The following SCAMP4 variants were observed in gnomAD, a reference collection of about 807,000 sequenced individuals.
The protein encoded by SCAMP4 is secretory carrier membrane protein 4, also known as secretory carrier-associated membrane protein 4.
A neutral mutation model predicts 32.1 loss-of-function variants in SCAMP4; 19 were observed. That is an observed-to-expected ratio of 0.59 (90% confidence interval 0.41 to 0.87). The LOEUF is 0.87. Among genes scored for constraint, SCAMP4 ranks in the 40% least tolerant of loss-of-function variants. SCAMP4 has a pLI of 0.00. For synonymous variants in SCAMP4, 152 were observed against 132.7 expected (o/e 1.15, Z -1.00); for missense variants, 302 against 309.0 (o/e 0.98, Z 0.17).
intron 1 of SCAMP4, chr19:1,911,786 TA>T (rs1239753936): frequency 7.9e-6 from 3 of 381,952 alleles, no homozygotes; most frequent in African/African-American, 4.2e-5. Context: ...GTCTCAGAAG[TA>T]AAAAAATAAA....
At position 1,917,717 on chromosome 19, in the gene SCAMP4, C is replaced by T; in HGVS notation, c.31C>T (p.Leu11=). 6.2e-7 allele frequency: 1 copy of T among 1,614,068 alleles called. No individual in the cohort carries two copies. The highest frequency in any genetic ancestry group is 8.5e-7 in the Non-Finnish European group (1 of 1,179,896). MSEKENNFPP[L]PKFIPVKPCF... ...AGAAAAGGAGAACAACTTCCCGCCA[C>T]TGCCCAAGTTCATCCCTGTGAAGCC... Residue 11 remains leucine, a synonymous_variant, in exon 3 of 7, where the codon CTG becomes TTG. Coordinates refer to ENST00000316097, the MANE Select transcript of SCAMP4 (RefSeq NM_079834.4).
intron 1 of SCAMP4, among the ~76,000 whole-genome samples, chr19:1,907,738 C>T (rs2013209610): frequency 6.6e-6 from 1 of 152,178 alleles, no homozygotes; most frequent in African/African-American, 2.4e-5. Context: ...GGCTGCCTGC[C>T]CTCCTGAGGG....
At chr19:1,917,664 G>C (rs1299853299) in intron 2 of SCAMP4, 30 bp from the exon 3 acceptor site, 2 of 1,613,362 alleles carry the variant, frequency 1.2e-6, no homozygotes, top group Non-Finnish European at 1.7e-6. Context: ...ACAAAGTCTG[G>C]TTCTGTCCGT....
intron 2 of SCAMP4, among the ~76,000 whole-genome samples, chr19:1,915,828 C>T (rs1217969199): frequency 6.6e-6 from 1 of 151,986 alleles, no homozygotes; most frequent in African/African-American, 2.4e-5. Flanking sequence ...TGCCTGTAGT[C>T]CCAGCTACTC....
intron 1 of SCAMP4, chr19:1,906,418 G>C (rs2013117192): frequency 6.6e-6 from 1 of 152,012 alleles, no homozygotes; most frequent in South Asian, 2.1e-4. Flanking sequence ...ACATGTCTGT[G>C]GTCCCAGCTA....
intron 1 of SCAMP4, among the ~76,000 whole-genome samples, chr19:1,910,219 A>G (rs1350506711): frequency 6.6e-6 from 1 of 152,186 alleles, no homozygotes; most frequent in Non-Finnish European, 1.5e-5. Context: ...CTGTGTTGTC[A>G]TCTGGAGGCT....
In SCAMP4 at chr19:1,913,104, C is replaced by T. The variant is rs756961086; in HGVS notation, c.-41-1875C>T. On this transcript the variant is annotated intron_variant, in intron 1 of 6. Coordinates refer to ENST00000316097, the MANE Select transcript of SCAMP4 (RefSeq NM_079834.4). ...CCTCAACCACCGCTTCCAGGTGTTC[C>T]GCGGGGTGCTGGAGGAGCAGTGCCG... 70 of 1,594,534 alleles carry T rather than the reference C, an allele frequency of 4.4e-5. No homozygotes were observed. The highest frequency in any genetic ancestry group is 1.7e-4 in the Middle Eastern group (1 of 5,998).
intron 1 of SCAMP4, among the ~76,000 whole-genome samples, chr19:1,913,999 G>T (rs898013214): frequency 2.4e-4 from 36 of 152,336 alleles, no homozygotes; most frequent in African/African-American, 8.2e-4. Context: ...CAGGCCTGCA[G>T]TGGGGGAGTC....
At chr19:1,912,763 A>G in intron 1 of SCAMP4, 2 of 1,557,338 alleles carry the variant, frequency 1.3e-6, no homozygotes, top group East Asian at 2.4e-5. Flanking sequence ...CCCCTCCTGC[A>G]CGCCGTCATG....
intron 5 of SCAMP4, 176 bp downstream of exon 5, chr19:1,919,166 C>G (rs369452028): frequency 1.3e-5 from 19 of 1,431,230 alleles, no homozygotes; most frequent in Non-Finnish European, 1.7e-5. Flanking sequence ...CGCCCGCGTC[C>G]TCGCCAGCAC....
chr19:1,921,396 G>A lies in SCAMP4; in HGVS notation c.396-1674G>A, dbSNP rs2013915626. The stretch of plus-strand genomic sequence containing the variant: ...ACCCCCAGCGGGGCCTAGCTGTGTA[G>A]ATGGTGAGGGTGGCCACATGGCGGC... On this transcript the variant is annotated intron_variant, in intron 5 of 6. Coordinates refer to ENST00000316097, the MANE Select transcript of SCAMP4 (RefSeq NM_079834.4). The A allele has an allele frequency of 4.1e-6, 4 of 985,324 alleles. No individual in the cohort carries two copies. In the Admixed American group the frequency reaches 1.8e-4, roughly 45 times the overall value. The allele number at this position is 985,324 out of a possible 1,614,324, so 61.0% of individuals were successfully genotyped here.
intron 1 of SCAMP4, among the ~76,000 whole-genome samples, chr19:1,909,531 A>G (rs1270566007): frequency 6.6e-6 from 1 of 151,312 alleles, no homozygotes; most frequent in African/African-American, 2.4e-5. Context: ...TAACGGCTTT[A>G]CTGCCTCCCG....
intron 1 of SCAMP4, among the ~76,000 whole-genome samples, chr19:1,914,350 C>T (rs1031672273): frequency 2.0e-5 from 3 of 152,022 alleles, no homozygotes; most frequent in Admixed American, 1.3e-4. Context: ...CGGGAGGCAG[C>T]TCCTGGCCCC....
intron 1 of SCAMP4, chr19:1,913,090 G>T: frequency 1.9e-6 from 3 of 1,599,832 alleles, no homozygotes; most frequent in African/African-American, 1.3e-5. Flanking sequence ...CTCAACCACC[G>T]CTTCCAGGTG....
rs1477582626 is a variant in SCAMP4 at position 1,905,444 on chromosome 19, GCGCGCGGCC to G, written c.-42+7_-42+15del. On this transcript the variant is annotated splice_donor_region_variant and intron_variant, in intron 1 of 6. Transcript: ENST00000316097. Reference sequence around the variant, plus strand: ...GCTCGCGCCCGGATCCCTCAGGTAAGCGCGCGGCCCCGAGGTCTCGGGTTCTCCAGGCTC... The same window carrying G: ...GCTCGCGCCCGGATCCCTCAGGTAAGCCGAGGTCTCGGGTTCTCCAGGCTC... 2.2e-6 allele frequency: 1 copy of G among 461,956 alleles called. No individual in the cohort carries two copies. Among genetic ancestry groups the G allele is most frequent in the Admixed American group, 2.4e-5 (1 of 41,756 alleles). 28.6% of individuals were successfully genotyped at this position (461,956 alleles called of 1,614,324 possible). A position where few individuals can be genotyped will look rare whatever the true frequency, so the allele number is the denominator to read the frequency against.
chr19:1,920,967 G>C, intron 5 of SCAMP4: 1 of 985,424 alleles, frequency 1.0e-6, no homozygotes, highest in Non-Finnish European at 1.2e-6. Context: ...CGCAGGTCAC[G>C]GGAGAAGCTG....
At chr19:1,912,752 C>T (rs1348274755) in intron 1 of SCAMP4, 21 of 1,550,328 alleles carry the variant, frequency 1.4e-5, no homozygotes, top group African/African-American at 9.6e-5. Context: ...GCGCGGACAA[C>T]CCCCTCCTGC....
At position 1,914,966 on chromosome 19, in the gene SCAMP4, G is replaced by T. The variant is rs2013681143; in HGVS notation, c.-41-13G>T. On this transcript the variant is annotated splice_polypyrimidine_tract_variant and intron_variant, in intron 1 of 6. Transcript: ENST00000316097. ...AGCTCAGGGTTCCCTGACTGTGGTTGTCTTCCTTCCAGGCGGCTGCAGGCT... is the reference window on the plus strand; with the variant it reads ...AGCTCAGGGTTCCCTGACTGTGGTTTTCTTCCTTCCAGGCGGCTGCAGGCT... The T allele has an allele frequency of 6.2e-7, 1 of 1,612,872 alleles. No individual in the cohort carries two copies. The highest frequency in any genetic ancestry group is 8.5e-7 in the Non-Finnish European group (1 of 1,178,864).
intron 5 of SCAMP4, chr19:1,920,936 A>G (rs1283096472): frequency 7.1e-6 from 7 of 985,086 alleles, no homozygotes; most frequent in Non-Finnish European, 7.2e-6. Flanking sequence ...GGCTCTTCTC[A>G]TTGGAGCCTG....
Sources: gnomAD v4.1 joint callset for allele counts (sites outside exome capture counted in the v4.1 genomes callset) on GRCh38, gnomAD v4.1.1 for gene constraint, MANE v1.5 for transcripts, NCBI Gene and HGNC (gene_info 2026-07-23, HGNC 2026-07-21) for gene names.